STAG1: variants seen among roughly 807,000 people sequenced by gnomAD.
STAG1 encodes STAG1 cohesin complex component, also known as cohesin subunit SA-1.
A neutral mutation model predicts 170.9 loss-of-function variants in STAG1; 26 were observed. The ratio of observed to expected loss-of-function variants is 0.15; its 90% CI spans 0.11 to 0.21. STAG1 has a LOEUF of 0.21. Among genes scored for constraint, STAG1 ranks in the 10% least tolerant of loss-of-function variants. The pLI is 1.00. For synonymous variants in STAG1, 514 were observed against 497.7 expected (o/e 1.03, Z -0.44); for missense variants, 964 against 1,509.5 (o/e 0.64, Z 5.99).
chr3:136,493,655 C>T (rs910341371), intron 9 of STAG1, among the ~76,000 whole-genome samples: 43 of 113,776 alleles, frequency 3.8e-4, no homozygotes, highest in South Asian at 1.4e-3. Flanking sequence ...ATCCTGTCTC[C>T]GAAAAAAAAA....
chr3:136,516,334 C>G (rs1358957828), intron 7 of STAG1, among the ~76,000 whole-genome samples: 1 of 151,804 alleles, frequency 6.6e-6, no homozygotes, highest in Non-Finnish European at 1.5e-5. Flanking sequence ...GGCGAAATCC[C>G]AACTCTACAA....
chr3:136,723,276 T>C (rs1013025614), intron 1 of STAG1, among the ~76,000 whole-genome samples: 18 of 148,558 alleles, frequency 1.2e-4, no homozygotes, highest in Admixed American at 1.1e-3. Context: ...CCATCCCATC[T>C]AGGAAGTGAG....
At chr3:136,600,547 T>G (rs1025284550) in intron 4 of STAG1, among the ~76,000 whole-genome samples, 1 of 152,218 alleles carries the variant, frequency 6.6e-6, no homozygotes, top group Non-Finnish European at 1.5e-5. Context: ...ATTTTTTATT[T>G]TTGAGACGGA....
intron 9 of STAG1, among the ~76,000 whole-genome samples, chr3:136,486,174 C>T (rs1441709842): frequency 6.6e-6 from 1 of 152,168 alleles, no homozygotes; most frequent in Non-Finnish European, 1.5e-5. Flanking sequence ...CTACTGTGTA[C>T]CTAATGTAGG....
chr3:136,402,597 G>A (rs1368791369), intron 21 of STAG1, among the ~76,000 whole-genome samples: 3 of 151,984 alleles, frequency 2.0e-5, no homozygotes, highest in African/African-American at 4.8e-5. Flanking sequence ...TTGGCAGGCC[G>A]AGGCGGGTGG....
chr3:136,519,618 G>A (rs752400047), intron 7 of STAG1, among the ~76,000 whole-genome samples: 17 of 150,622 alleles, frequency 1.1e-4, no homozygotes, highest in South Asian at 2.1e-4. Flanking sequence ...GAAGTAAGAC[G>A]AAAAGGAACA....
chr3:136,344,150 T>C (rs1936119429), intron 29 of STAG1, 144 bp from the exon 30 acceptor site: 1 of 565,786 alleles, frequency 1.8e-6, no homozygotes, highest in East Asian at 3.3e-5. Flanking sequence ...TACATGACTT[T>C]GTGTAAGTCA....
At chr3:136,404,322 T>C (rs1204081400) in intron 21 of STAG1, among the ~76,000 whole-genome samples, 1 of 152,160 alleles carries the variant, frequency 6.6e-6, no homozygotes, top group African/African-American at 2.4e-5. Context: ...TGCCCTCCTG[T>C]TTCCATGAGG....
intron 4 of STAG1, among the ~76,000 whole-genome samples, chr3:136,600,828 C>G (rs1484524644): frequency 6.6e-6 from 1 of 151,894 alleles, no homozygotes; most frequent in African/African-American, 2.4e-5. Context: ...CAACCACGCA[C>G]AGCTGTGCTC....
At chr3:136,515,845 T>C (rs758151164) in intron 7 of STAG1, among the ~76,000 whole-genome samples, 65 of 152,178 alleles carry the variant, frequency 4.3e-4, no homozygotes, top group Non-Finnish European at 8.2e-4. Flanking sequence ...TCACCAACTA[T>C]TGGGCATTAA....
At chr3:136,617,542 A>T (rs112676478) in intron 3 of STAG1, among the ~76,000 whole-genome samples, 100 of 152,318 alleles carry the variant, frequency 6.6e-4, no homozygotes, top group African/African-American at 2.3e-3. Flanking sequence ...CTGGAGTCTG[A>T]ATGTTCCTGA....
At chr3:136,717,582 T>C (rs753562395) in intron 1 of STAG1, among the ~76,000 whole-genome samples, 1 of 152,184 alleles carries the variant, frequency 6.6e-6, no homozygotes, top group Non-Finnish European at 1.5e-5. Flanking sequence ...GAGAATCACT[T>C]GCACCCAGGA....
At chr3:136,429,266 C>A (rs1055201055) in intron 16 of STAG1, among the ~76,000 whole-genome samples, 2 of 152,088 alleles carry the variant, frequency 1.3e-5, no homozygotes, top group African/African-American at 4.8e-5. Flanking sequence ...AACTAGCTGG[C>A]CCTGGTGGCG....
At chr3:136,402,088 A>T (rs751363652) in intron 21 of STAG1, among the ~76,000 whole-genome samples, 28 of 152,162 alleles carry the variant, frequency 1.8e-4, no homozygotes, top group Non-Finnish European at 2.9e-4. Context: ...TGTCACTATG[A>T]TCTTCCCCAC....
At chr3:136,598,664 G>C (rs9826420) in intron 4 of STAG1, among the ~76,000 whole-genome samples, 2,389 of 152,064 alleles carry the variant, frequency 0.016, 35 homozygotes, top group Admixed American at 0.032. Flanking sequence ...CTGACCTTGT[G>C]ATCTGCCCAC....
chr3:136,508,261 G>A (rs1056129468), intron 7 of STAG1, among the ~76,000 whole-genome samples: 1 of 152,032 alleles, frequency 6.6e-6, no homozygotes, highest in Non-Finnish European at 1.5e-5. Context: ...TATTTTGTAT[G>A]GTTAACACCT....
intron 22 of STAG1, among the ~76,000 whole-genome samples, chr3:136,391,080 A>G (rs193269877): frequency 8.5e-5 from 13 of 152,320 alleles, no homozygotes; most frequent in Non-Finnish European, 1.9e-4. Flanking sequence ...GGAAGGACAA[A>G]TTTTACAGCT....
intron 14 of STAG1, among the ~76,000 whole-genome samples, chr3:136,451,496 G>A (rs925018381): frequency 7.9e-5 from 12 of 152,198 alleles, no homozygotes; most frequent in African/African-American, 2.4e-4. Flanking sequence ...GGGCATGGTG[G>A]CTCATGACCA....
intron 1 of STAG1, among the ~76,000 whole-genome samples, chr3:136,641,114 A>G (rs1940782548): frequency 6.6e-6 from 1 of 152,256 alleles, no homozygotes; most frequent in African/African-American, 2.4e-5. Flanking sequence ...GAGCTGTCTA[A>G]GAGTTTTTAC....
Sources: allele counts gnomAD v4.1 joint callset (sites outside exome capture counted in the v4.1 genomes callset), GRCh38; gene constraint gnomAD v4.1.1; transcripts MANE v1.5; gene names NCBI Gene and HGNC (gene_info 2026-07-23, HGNC 2026-07-21).